The following ADCY9 variants were observed in gnomAD, a reference collection of about 807,000 sequenced individuals.
ADCY9 encodes adenylate cyclase type 9.
A neutral mutation model predicts 101.5 loss-of-function variants in ADCY9; 50 were observed. That is an observed-to-expected ratio of 0.49 (90% confidence interval 0.39 to 0.62). The LOEUF (loss-of-function observed/expected upper bound fraction) is 0.62, where lower values mean the gene tolerates loss of function less well. ADCY9 is among the 20% of genes least tolerant of loss of function. ADCY9 has a pLI of 0.00. For missense variants in ADCY9, 1,662 were observed against 1,800.4 expected, an observed-to-expected ratio of 0.92 and a Z score of 1.39; for synonymous variants, 905 against 769.3, an observed-to-expected ratio of 1.18 and a Z score of -2.92.
chr16:4,071,623 T>C (rs2056835260), intron 2 of ADCY9, among the ~76,000 whole-genome samples: 1 of 152,182 alleles, frequency 6.6e-6, no homozygotes, highest in Non-Finnish European at 1.5e-5. Context: ...AAAATTTAGA[T>C]TCTAGCCTTA....
chr16:4,105,540 C>T (rs1252411998), intron 2 of ADCY9, among the ~76,000 whole-genome samples: 1 of 151,746 alleles, frequency 6.6e-6, no homozygotes, highest in African/African-American at 2.4e-5. Context: ...ATTGGCCGGG[C>T]ATGGTGGCAT....
At chr16:3,981,675 C>T (rs1223053313) in intron 7 of ADCY9, 1 of 152,130 alleles carries the variant, frequency 6.6e-6, no homozygotes, top group African/African-American at 2.4e-5. Context: ...TCACTGCAAT[C>T]TCCACCTCCT....
intron 3 of ADCY9, 100 bp from the exon 4 acceptor site, chr16:3,993,610 G>A: frequency 6.8e-7 from 1 of 1,462,470 alleles, no homozygotes; most frequent in Non-Finnish European, 9.4e-7. Flanking sequence ...CACGCAGCAT[G>A]GTGGTGAGCA....
intron 6 of ADCY9, among the ~76,000 whole-genome samples, chr16:3,986,507 T>C (rs748663377): frequency 6.6e-6 from 1 of 152,100 alleles, no homozygotes; most frequent in Non-Finnish European, 1.5e-5. Context: ...CGGAGTGCAA[T>C]AGTGCAACGG....
intron 2 of ADCY9, among the ~76,000 whole-genome samples, chr16:4,097,518 T>C (rs1168075037): frequency 1.9e-5 from 2 of 104,184 alleles, no homozygotes; most frequent in African/African-American, 4.6e-5. Flanking sequence ...TATGTATAAA[T>C]ACATATGTAC....
chr16:4,114,804 G>A lies in ADCY9; in HGVS notation c.639C>T (p.Pro213=). 6.2e-7 allele frequency: 1 copy of A among 1,613,368 alleles called. No individual in the cohort carries two copies. Among genetic ancestry groups the A allele is most frequent in the South Asian group, 1.1e-5 (1 of 91,086 alleles). ...CCACTTGAGATAAGCAAGTATCTGTGGGCCGGGCTGTGGCCGTAAGGTTGG... is the reference window on the plus strand; with the variant it reads ...CCACTTGAGATAAGCAAGTATCTGTAGGCCGGGCTGTGGCCGTAAGGTTGG... ...DSSNLTATAR[P]TDTCLSQVGS... The change falls in exon 2 of 11, where the codon CCC becomes CCT. Residue 213 remains proline (P), a synonymous_variant. Transcript: ENST00000294016. The surrounding 1 kb of genome is among the most constrained non-coding windows in gnomAD (Gnocchi z 4.3).
chr16:3,983,738 A>C (rs981328919), intron 6 of ADCY9: 2 of 422,518 alleles, frequency 4.7e-6, no homozygotes, highest in Non-Finnish European at 8.6e-6. Context: ...CGGCCAGCGT[A>C]ACACAGTGAG....
At chr16:4,000,310 C>T (rs925244567) in intron 3 of ADCY9, among the ~76,000 whole-genome samples, 10 of 152,130 alleles carry the variant, frequency 6.6e-5, no homozygotes, top group Admixed American at 1.3e-4. Context: ...CCACACGGTA[C>T]GGTCGGAACC....
intron 2 of ADCY9, among the ~76,000 whole-genome samples, chr16:4,095,378 C>G (rs183779559): frequency 1.3e-5 from 2 of 149,300 alleles, no homozygotes; most frequent in East Asian, 4.6e-4. Context: ...AGGACTAACA[C>G]GTCCCCTTGC....
At chr16:4,016,309 G>C (rs776581859) in intron 2 of ADCY9, among the ~76,000 whole-genome samples, 3 of 152,224 alleles carry the variant, frequency 2.0e-5, no homozygotes, top group Non-Finnish European at 4.4e-5. Flanking sequence ...TAAATAATGG[G>C]AAGAGGCTAT....
intron 2 of ADCY9, among the ~76,000 whole-genome samples, chr16:4,011,082 A>C (rs1260226899): frequency 2.0e-5 from 3 of 152,192 alleles, no homozygotes; most frequent in African/African-American, 7.2e-5. Context: ...ATGGAGACGG[A>C]CGGATCAGCA....
chr16:4,102,385 A>G (rs1419935123), intron 2 of ADCY9, among the ~76,000 whole-genome samples: 3 of 152,012 alleles, frequency 2.0e-5, no homozygotes, highest in Non-Finnish European at 2.9e-5. Context: ...GAGCCCTTCC[A>G]AAAAAAATTT....
At chr16:3,989,271 G>T (rs937633944) in intron 5 of ADCY9, among the ~76,000 whole-genome samples, 175 bp from the exon 6 acceptor site, 6 of 152,258 alleles carry the variant, frequency 3.9e-5, no homozygotes, top group African/African-American at 1.4e-4. Flanking sequence ...CAGATCTGTG[G>T]AAAGTCCTTC....
At chr16:4,039,941 A>T (rs2056615626) in intron 2 of ADCY9, among the ~76,000 whole-genome samples, 1 of 152,110 alleles carries the variant, frequency 6.6e-6, no homozygotes, top group Non-Finnish European at 1.5e-5. Flanking sequence ...TGGGAGGCTG[A>T]AGTGGGAGGA....
chr16:3,966,810 G>T lies in ADCY9; in HGVS notation c.3027C>A (p.His1009Gln). Residue 1009 changes from histidine (H) to glutamine (Q), a missense_variant, in exon 11 of 11, where the codon CAC (histidine) becomes CAA (glutamine). Physicochemically the swap from His to Gln is conservative, Grantham distance 24. Around this residue, in one of 5 missense-constraint regions of ADCY9, gnomAD observed 624 missense variants for 639.1 expected, o/e 0.98. Transcript: ENST00000294016. The part of the protein sequence containing the change: ...EFEVSYRLHY[H>Q]GDVEADLHRT... ...GGTGAAGATCCGCTTCCACGTCTCC[G>T]TGGTAGTGGAGGCGGTAGCTGACTT... 5 of 1,614,224 alleles carry T rather than the reference G, an allele frequency of 3.1e-6. No individual in the cohort carries two copies. The highest frequency in any genetic ancestry group is 4.2e-6 in the Non-Finnish European group (5 of 1,180,042).
intron 2 of ADCY9, among the ~76,000 whole-genome samples, chr16:4,038,266 G>A (rs1325305402): frequency 6.8e-6 from 1 of 146,962 alleles, no homozygotes; most frequent in Admixed American, 6.8e-5. Context: ...GGGCGACAGA[G>A]TACGATTCTG....
At chr16:4,081,831 G>T (rs2056905090) in intron 2 of ADCY9, among the ~76,000 whole-genome samples, 1 of 150,572 alleles carries the variant, frequency 6.6e-6, no homozygotes. Flanking sequence ...CAGGGGAGGA[G>T]GGCGCTGTGT....
chr16:4,084,152 C>G (rs1171357534), intron 2 of ADCY9, among the ~76,000 whole-genome samples: 1 of 152,098 alleles, frequency 6.6e-6, no homozygotes, highest in Non-Finnish European at 1.5e-5. Context: ...CACCCTGTCA[C>G]CCAGGCTGGA....
chr16:4,048,733 C>G (rs2056682011), intron 2 of ADCY9, among the ~76,000 whole-genome samples: 1 of 152,164 alleles, frequency 6.6e-6, no homozygotes. Flanking sequence ...CTCAGTGTCT[C>G]ACACAGCGTG....
Sources: gnomAD v4.1 joint callset for allele counts (sites outside exome capture counted in the v4.1 genomes callset) on GRCh38, gnomAD v4.1.1 for gene constraint, gnomAD v4.1.1 regional missense constraint, Gnocchi (gnomAD v3.1) non-coding constraint, MANE v1.5 for transcripts, NCBI Gene and HGNC (gene_info 2026-07-23, HGNC 2026-07-21) for gene names.